Variants in TRPC5 observed in about 807,000 individuals in gnomAD.
TRPC5 encodes the protein short transient receptor potential channel 5.
Under a neutral mutation model 56.5 loss-of-function variants are expected in TRPC5, and 9 were observed. That is an observed-to-expected ratio of 0.16 (90% CI 0.10 to 0.28). TRPC5 has a LOEUF of 0.28. Ranked by LOEUF, TRPC5 falls within the 10% of genes least tolerant of loss-of-function variation. The pLI, the probability that TRPC5 is intolerant of heterozygous loss-of-function variation, is 1.00. For synonymous variants in TRPC5, 282 were observed against 278.5 expected (o/e 1.01, Z -0.13); for missense variants, 469 against 748.9 (o/e 0.63, Z 4.36).
chrX:111,919,350 C>T (rs1926063936), intron 2 of TRPC5, among the ~76,000 whole-genome samples: 1 of 111,883 alleles, frequency 8.9e-6, no homozygotes, highest in Non-Finnish European at 1.9e-5. Context: ...CAGCGGCAAC[C>T]CGCTCGGGTC....
intron 3 of TRPC5, among the ~76,000 whole-genome samples, chrX:111,911,459 C>T (rs951462838): frequency 1.8e-5 from 2 of 112,220 alleles, no homozygotes; most frequent in Non-Finnish European, 3.8e-5. Flanking sequence ...AAAATTCTAT[C>T]CTCAGTTGCT....
chrX:111,853,671 G>A (rs895908074), intron 4 of TRPC5, 99 bp downstream of exon 4: 16 of 807,485 alleles, frequency 2.0e-5, no homozygotes, highest in Non-Finnish European at 2.9e-5. Flanking sequence ...TGGGGTGGGG[G>A]TGCCCTAGTT....
intron 1 of TRPC5, among the ~76,000 whole-genome samples, chrX:112,060,771 A>G (rs779382374): frequency 1.8e-5 from 2 of 112,526 alleles, no homozygotes; most frequent in Admixed American, 1.9e-4. Flanking sequence ...CCAAAATAAT[A>G]TATGACTGAA....
At chrX:111,861,728 A>G (rs144209637) in intron 3 of TRPC5, among the ~76,000 whole-genome samples, 12,196 of 111,216 alleles carry the variant, frequency 0.11, 1,547 homozygotes, top group African/African-American at 0.37. Context: ...GAAGATGAGT[A>G]CTTAGGTAGA....
At position 111,920,715 on chromosome X, in the gene TRPC5, C is replaced by CA. The variant is rs1369735376; in HGVS notation, c.379-7904dup. ...CTAGAAAGAACACCTTGGCATTAGCCAAAAAAAATGAGAATTTCAAGGAGG... is the reference window on the plus strand; with the variant it reads ...CTAGAAAGAACACCTTGGCATTAGCCAAAAAAAAATGAGAATTTCAAGGAGG... On this transcript the variant is annotated intron_variant, in intron 2 of 10. Transcript: ENST00000262839. Among the ~76,000 whole-genome samples the CA allele has an allele frequency of 6.3e-5, 7 of 110,511 alleles. No homozygotes were observed. The East Asian group carries it at 8.6e-4, about 14-fold the overall frequency.
At chrX:111,966,381 G>A (rs1300563386) in intron 1 of TRPC5, among the ~76,000 whole-genome samples, 2 of 111,615 alleles carry the variant, frequency 1.8e-5, no homozygotes, top group African/African-American at 6.5e-5. Context: ...TGGATTCACA[G>A]CCGAATTCTA....
intron 7 of TRPC5, among the ~76,000 whole-genome samples, chrX:111,827,424 C>T (rs1158454365): frequency 9.0e-6 from 1 of 111,083 alleles, no homozygotes; most frequent in Non-Finnish European, 1.9e-5. Flanking sequence ...ATAGGCATCT[C>T]CAATTCCACA....
intron 1 of TRPC5, among the ~76,000 whole-genome samples, chrX:112,012,086 AAG>A (rs1929006970): frequency 8.9e-6 from 1 of 112,366 alleles, no homozygotes; most frequent in Admixed American, 9.4e-5. Flanking sequence ...TAACCACAGA[AAG>A]AGAAACCATG....
chrX:111,817,576 G>A (rs1921901373), intron 7 of TRPC5, among the ~76,000 whole-genome samples: 3 of 110,069 alleles, frequency 2.7e-5, no homozygotes, highest in South Asian at 7.9e-4. Context: ...TGCCCGCCTC[G>A]GCCTCCCAAA....
Position 111,769,329 on chromosome X carries a change from C to G in TRPC5, c.*6984G>C, listed in dbSNP as rs1945830846. Among the ~76,000 whole-genome samples, 1 of 112,010 alleles carries G rather than the reference C, an allele frequency of 8.9e-6. No individual in the cohort carries two copies. The highest frequency in any genetic ancestry group is 3.2e-5 in the African/African-American group (1 of 30,841). On this transcript the variant is annotated 3_prime_UTR_variant, in exon 11 of 11. Coordinates refer to ENST00000262839, the MANE Select transcript of TRPC5 (RefSeq NM_012471.3). Reference sequence around the variant, plus strand: ...CTCAATGTATTTTACTGTTTAAACACAAAGGGTTAATCATTATGGTTGTTC... The same window carrying G: ...CTCAATGTATTTTACTGTTTAAACAGAAAGGGTTAATCATTATGGTTGTTC...
chrX:111,944,303 T>TGTGTGTGTGTGAAAGAGA (rs1173179815), intron 2 of TRPC5, among the ~76,000 whole-genome samples: 18 of 61,372 alleles, frequency 2.9e-4, no homozygotes, highest in African/African-American at 1.8e-3. Context: ...TGTGTGTGTG[T>TGTGTGTGTGTGAAAGAGA]GAGAGAGAGA....
At chrX:112,035,383 C>T (rs914023408) in intron 1 of TRPC5, among the ~76,000 whole-genome samples, 1 of 109,976 alleles carries the variant, frequency 9.1e-6, no homozygotes, top group Non-Finnish European at 1.9e-5. Context: ...TTATCTGTCA[C>T]GTGTGGTCAG....
At chrX:111,960,327 T>C (rs1927342702) in intron 1 of TRPC5, among the ~76,000 whole-genome samples, 1 of 112,424 alleles carries the variant, frequency 8.9e-6, no homozygotes, top group Admixed American at 9.4e-5. Flanking sequence ...TGATTTTATT[T>C]TTGTAAGCTT....
intron 1 of TRPC5, among the ~76,000 whole-genome samples, chrX:111,952,866 A>T (rs1281572502): frequency 1.8e-5 from 2 of 111,988 alleles, no homozygotes; most frequent in African/African-American, 6.5e-5. Flanking sequence ...AGCAACTGGC[A>T]TAGGGTAAAC....
At chrX:112,041,548 G>A (rs1929891795) in intron 1 of TRPC5, among the ~76,000 whole-genome samples, 1 of 111,724 alleles carries the variant, frequency 9.0e-6, no homozygotes, top group Admixed American at 9.5e-5. Flanking sequence ...AGCTCACACA[G>A]TTAATGGTGA....
chrX:112,023,542 T>C (rs933055922), intron 1 of TRPC5, among the ~76,000 whole-genome samples: 7 of 110,149 alleles, frequency 6.4e-5, no homozygotes, highest in African/African-American at 2.3e-4. Flanking sequence ...ACAGAAGTTG[T>C]CTGGTTTATA....
chrX:111,886,259 G>A lies in TRPC5; in HGVS notation c.900+26032C>T, dbSNP rs72619722. 6.0e-4 allele frequency among the ~76,000 whole-genome samples: 68 copies of A among 112,502 alleles called. No homozygotes were observed. In the East Asian group the frequency reaches 0.016, roughly 26 times the overall value. ...CATGCCATTGCACTCCAGCCTGGGCGACAAGAGTGAAACTCTGTCAATAAA... is the reference window on the plus strand; with the variant it reads ...CATGCCATTGCACTCCAGCCTGGGCAACAAGAGTGAAACTCTGTCAATAAA... On this transcript the variant is annotated intron_variant, in intron 3 of 10. Coordinates refer to ENST00000262839, the MANE Select transcript of TRPC5 (RefSeq NM_012471.3).
At position 111,803,314 on chromosome X, in the gene TRPC5, A is replaced by G. The variant is rs1921382368; in HGVS notation, c.1897-21176T>C. ...TAGTGCCATAATAAACATAATAAACATACTTGTGCATGTGCCTTTATGGTA... is the reference window on the plus strand; with the variant it reads ...TAGTGCCATAATAAACATAATAAACGTACTTGTGCATGTGCCTTTATGGTA... On this transcript the variant is annotated intron_variant, in intron 7 of 10. Transcript: ENST00000262839. Among the ~76,000 whole-genome samples the G allele has an allele frequency of 3.6e-5, 4 of 112,496 alleles. No homozygotes were observed. The South Asian group carries it at 1.5e-3, about 41-fold the overall frequency.
intron 3 of TRPC5, among the ~76,000 whole-genome samples, chrX:111,858,439 C>T (rs932909264): frequency 9.2e-6 from 1 of 108,982 alleles, no homozygotes; most frequent in Non-Finnish European, 1.9e-5. Flanking sequence ...GTCGGCTCGA[C>T]AGTCAACAGG....
Sources: allele counts gnomAD v4.1 joint callset (sites outside exome capture counted in the v4.1 genomes callset), GRCh38; gene constraint gnomAD v4.1.1; transcripts MANE v1.5; gene names NCBI Gene and HGNC (gene_info 2026-07-23, HGNC 2026-07-21).